Variants in NAALADL2 observed in about 807,000 individuals in gnomAD.
NAALADL2 encodes the protein inactive N-acetylated-alpha-linked acidic dipeptidase-like protein 2.
NAALADL2 carries 76 observed loss-of-function variants against 87.2 expected under a neutral mutation model. The observed-to-expected ratio is 0.87, with a 90% confidence interval of 0.72 to 1.05. NAALADL2 has a LOEUF of 1.05. Among genes scored for constraint, NAALADL2 ranks in the 50% least tolerant of loss-of-function variants. NAALADL2 has a pLI of 0.00. For missense variants in NAALADL2, 1,089 were observed against 945.8 expected (o/e 1.15, Z -1.99); for synonymous variants, 354 against 331.0 (o/e 1.07, Z -0.75).
intron 9 of NAALADL2, among the ~76,000 whole-genome samples, chr3:175,557,463 C>A (rs929206215): frequency 5.3e-5 from 8 of 152,048 alleles, no homozygotes; most frequent in African/African-American, 1.9e-4. Context: ...CTATAGTCAC[C>A]CCATTGTGCT....
At chr3:175,185,736 T>G (rs1010675573) in intron 2 of NAALADL2, among the ~76,000 whole-genome samples, 1 of 150,424 alleles carries the variant, frequency 6.6e-6, no homozygotes, top group African/African-American at 2.4e-5. Context: ...TGTATAAGCT[T>G]TTTTATATAA....
intron 1 of NAALADL2, among the ~76,000 whole-genome samples, chr3:174,905,404 G>T (rs1460202950): frequency 6.6e-6 from 1 of 150,404 alleles, no homozygotes; most frequent in Non-Finnish European, 1.5e-5. Flanking sequence ...TTATAAAGTT[G>T]ATCATAAGTT....
rs115589433 is a variant in NAALADL2, at chr3:175,611,207, G to A, written c.1801-16084G>A. Among the ~76,000 whole-genome samples the A allele has an allele frequency of 6.0e-3, 917 of 152,144 alleles. 6 individuals are homozygous for A. The highest frequency in any genetic ancestry group is 0.021 in the African/African-American group (860 of 41,534). On this transcript the variant is annotated intron_variant, in intron 10 of 13. Transcript: ENST00000454872. ...TAACTTAATGATTGTATAGTTAGAT[G>A]TGGTACTTTGATTAAGGCACTTTTA...
upstream of NAALADL2, among the ~76,000 whole-genome samples, chr3:174,855,980 GTATA>G (rs57039020): frequency 0.018 from 2,606 of 142,872 alleles, 56 homozygotes; most frequent in Middle Eastern, 0.039. Flanking sequence ...GTGTGTGTGT[GTATA>G]TATATATATA....
At chr3:175,470,672 C>T (rs1007916985) in intron 8 of NAALADL2, among the ~76,000 whole-genome samples, 2 of 151,618 alleles carry the variant, frequency 1.3e-5, no homozygotes, top group African/African-American at 4.9e-5. Flanking sequence ...TTGTTAAATG[C>T]TTGCACAAAA....
chr3:175,690,143 G>A (rs1736848765), intron 11 of NAALADL2, among the ~76,000 whole-genome samples: 1 of 152,054 alleles, frequency 6.6e-6, no homozygotes, highest in Non-Finnish European at 1.5e-5. Context: ...CCACCTGGGA[G>A]AGTTTTTATT....
chr3:175,170,608 T>C (rs1236443209), intron 2 of NAALADL2, among the ~76,000 whole-genome samples: 3 of 150,862 alleles, frequency 2.0e-5, no homozygotes, highest in Non-Finnish European at 3.0e-5. Flanking sequence ...CTCTAAATAT[T>C]ATTCTATAAG....
At chr3:174,801,992 T>A (rs1224744734) in intron 3 of NAALADL2, among the ~76,000 whole-genome samples, 1 of 151,984 alleles carries the variant, frequency 6.6e-6, no homozygotes, top group East Asian at 1.9e-4. Flanking sequence ...TAATTTAATC[T>A]GTGAATATTT....
intron 1 of NAALADL2, among the ~76,000 whole-genome samples, chr3:175,056,582 T>C (rs919469300): frequency 3.9e-5 from 6 of 151,978 alleles, no homozygotes; most frequent in Admixed American, 6.6e-5. Flanking sequence ...CACAGAAATA[T>C]AGAGGTGTGG....
intron 2 of NAALADL2, among the ~76,000 whole-genome samples, chr3:174,637,572 A>G (rs1174302335): frequency 6.6e-6 from 1 of 151,968 alleles, no homozygotes; most frequent in African/African-American, 2.4e-5. Flanking sequence ...CAAAATTCAT[A>G]ATGTTCACTG....
At chr3:174,633,374 G>C (rs1399981326) in intron 2 of NAALADL2, among the ~76,000 whole-genome samples, 2 of 152,018 alleles carry the variant, frequency 1.3e-5, no homozygotes, top group Admixed American at 1.3e-4. Flanking sequence ...TTAAAGCTTT[G>C]TTTTACCTTA....
intron 1 of NAALADL2, among the ~76,000 whole-genome samples, chr3:174,497,938 G>C (rs1718647230): frequency 6.6e-6 from 1 of 152,076 alleles, no homozygotes; most frequent in Non-Finnish European, 1.5e-5. Flanking sequence ...GTACAAACAT[G>C]GTTCAGGTTA....
At chr3:174,652,970 T>C (rs1724526688) in intron 2 of NAALADL2, among the ~76,000 whole-genome samples, 1 of 152,126 alleles carries the variant, frequency 6.6e-6, no homozygotes, top group South Asian at 2.1e-4. Context: ...CTCATTCTCA[T>C]TAGTTATCAA....
At chr3:175,015,070 A>G (rs1580031319) in intron 1 of NAALADL2, among the ~76,000 whole-genome samples, 1 of 152,118 alleles carries the variant, frequency 6.6e-6, no homozygotes, top group South Asian at 2.1e-4. Context: ...AAACAAGTCA[A>G]TTGTGCATCA....
chr3:175,410,724 C>A (rs552750367), intron 5 of NAALADL2, among the ~76,000 whole-genome samples: 2 of 152,220 alleles, frequency 1.3e-5, no homozygotes, highest in East Asian at 3.9e-4. Flanking sequence ...AAGTCAGGGA[C>A]GACTCTCCTG....
chr3:175,710,702 ATATC>A (rs1203355431), intron 11 of NAALADL2, among the ~76,000 whole-genome samples: 1 of 150,964 alleles, frequency 6.6e-6, no homozygotes, highest in Admixed American at 6.6e-5. Context: ...ATATGTATAT[ATATC>A]TACATAGAAA....
chr3:175,371,435 T>G (rs1766488253), intron 5 of NAALADL2, among the ~76,000 whole-genome samples: 2 of 151,886 alleles, frequency 1.3e-5, no homozygotes, highest in Non-Finnish European at 2.9e-5. Flanking sequence ...GCCCGGCTAA[T>G]TTTTTGGATT....
chr3:175,629,983 A>G (rs1727533705), intron 11 of NAALADL2, among the ~76,000 whole-genome samples: 1 of 151,800 alleles, frequency 6.6e-6, no homozygotes, highest in Non-Finnish European at 1.5e-5. Flanking sequence ...TTATATGTCC[A>G]AGAGAAGATA....
At chr3:175,110,070 C>T (rs1723919115) in intron 2 of NAALADL2, among the ~76,000 whole-genome samples, 2 of 151,746 alleles carry the variant, frequency 1.3e-5, no homozygotes, top group South Asian at 4.1e-4. Context: ...TAAGGATTGC[C>T]TCATCGCTTT....
Sources: allele counts gnomAD v4.1 joint callset (sites outside exome capture counted in the v4.1 genomes callset), GRCh38; gene constraint gnomAD v4.1.1; transcripts MANE v1.5; gene names NCBI Gene and HGNC (gene_info 2026-07-23, HGNC 2026-07-21).